Variants in C9 observed in about 807,000 individuals in gnomAD.
The protein encoded by C9 is complement component C9.
C9 carries 63 observed loss-of-function variants against 65.4 expected under a neutral mutation model. The observed-to-expected ratio is 0.96, with a 90% CI of 0.79 to 1.19. C9 has a LOEUF of 1.19. Among genes scored for constraint, C9 ranks in the 50% most tolerant of loss-of-function variants. The pLI, the probability that C9 is intolerant of heterozygous loss-of-function variation, is 0.00. For synonymous variants in C9, 229 were observed against 227.9 expected, an observed-to-expected ratio of 1.00 and a Z score of -0.04; for missense variants, 744 against 670.1, an observed-to-expected ratio of 1.11 and a Z score of -1.22.
chr5:39,361,781 A>G (rs1038700957), intron 1 of C9, among the ~76,000 whole-genome samples: 1 of 152,210 alleles, frequency 6.6e-6, no homozygotes, highest in African/African-American at 2.4e-5. Context: ...TCTCATGGGC[A>G]CATTAATCTT....
At chr5:39,298,220 AT>A (rs980087581) in intron 9 of C9, among the ~76,000 whole-genome samples, 4 of 151,840 alleles carry the variant, frequency 2.6e-5, no homozygotes, top group East Asian at 1.9e-4. Context: ...CAAGAAAAAA[AT>A]ATCTAAAATC....
intron 5 of C9, among the ~76,000 whole-genome samples, chr5:39,326,611 T>C (rs1040411732): frequency 2.0e-5 from 3 of 152,250 alleles, no homozygotes; most frequent in Admixed American, 2.0e-4. Flanking sequence ...GCCTTCATGA[T>C]TTAACCCCTG....
chr5:39,356,791 C>G (rs920671731), intron 1 of C9, among the ~76,000 whole-genome samples: 2 of 152,170 alleles, frequency 1.3e-5, no homozygotes, highest in African/African-American at 4.8e-5. Context: ...AGCCCAACAC[C>G]CCCTCCTCAG....
At position 39,333,953 on chromosome 5, in the gene C9, G is replaced by A. The variant is rs372990011; in HGVS notation, c.477-2139C>T. On this transcript the variant is annotated intron_variant, in intron 4 of 10. Transcript: ENST00000263408. ...GGCTGGAGTGCAGTGGCGTGATCTC[G>A]GCTCGCTGCAGCCTCCACCTCCCAG... 6.1e-4 allele frequency among the ~76,000 whole-genome samples: 93 copies of A among 152,244 alleles called. No homozygotes were observed. In the East Asian group the frequency reaches 0.016, roughly 26 times the overall value.
intron 1 of C9, among the ~76,000 whole-genome samples, chr5:39,360,394 C>T (rs1357903732): frequency 2.0e-5 from 3 of 152,066 alleles, no homozygotes; most frequent in Non-Finnish European, 1.5e-5. Flanking sequence ...TCTCCAGAGC[C>T]CAGGTAACTA....
At chr5:39,359,449 C>T (rs1006604570) in intron 1 of C9, among the ~76,000 whole-genome samples, 3 of 151,668 alleles carry the variant, frequency 2.0e-5, no homozygotes, top group African/African-American at 7.3e-5. Context: ...GTATAAGTGG[C>T]GTTTCACCAT....
chr5:39,355,317 G>A (rs747343399), intron 1 of C9, among the ~76,000 whole-genome samples: 3 of 152,092 alleles, frequency 2.0e-5, no homozygotes, highest in Non-Finnish European at 2.9e-5. Context: ...TTTCCCACAC[G>A]TAAGTGACTA....
At chr5:39,300,165 C>A (rs961733839) in intron 9 of C9, among the ~76,000 whole-genome samples, 1 of 152,110 alleles carries the variant, frequency 6.6e-6, no homozygotes, top group African/African-American at 2.4e-5. Context: ...GCAATCCCAG[C>A]ACTTTGGGAG....
At chr5:39,313,769 C>G (rs1191808154) in intron 6 of C9, among the ~76,000 whole-genome samples, 1 of 152,148 alleles carries the variant, frequency 6.6e-6, no homozygotes, top group Non-Finnish European at 1.5e-5. Context: ...GTCAACAAGT[C>G]AATGTATAGC....
chr5:39,308,728 T>A (rs994312898), intron 7 of C9, among the ~76,000 whole-genome samples: 1 of 152,222 alleles, frequency 6.6e-6, no homozygotes, highest in Non-Finnish European at 1.5e-5. Flanking sequence ...TTTTGTGTGC[T>A]TTAACTAATT....
At chr5:39,311,408 CA>C in intron 6 of C9, 31 bp from the exon 7 acceptor site, 1 of 1,604,364 alleles carries the variant, frequency 6.2e-7, no homozygotes, top group Non-Finnish European at 8.5e-7. Flanking sequence ...AGAAGAGAAA[CA>C]TGTGTTTTAT....
At chr5:39,286,998 G>C (rs1753001593) in intron 10 of C9, among the ~76,000 whole-genome samples, 1 of 151,918 alleles carries the variant, frequency 6.6e-6, no homozygotes, top group South Asian at 2.1e-4. Context: ...TCAGGAAACT[G>C]TATTTGTTCA....
chr5:39,347,788 A>G (rs1754236902), intron 1 of C9, among the ~76,000 whole-genome samples: 1 of 152,210 alleles, frequency 6.6e-6, no homozygotes, highest in Non-Finnish European at 1.5e-5. Flanking sequence ...GGCTACAGTA[A>G]CCAAAACAGC....
chr5:39,308,008 C>G (rs1466966247), intron 8 of C9, among the ~76,000 whole-genome samples: 1 of 152,120 alleles, frequency 6.6e-6, no homozygotes, highest in Admixed American at 6.6e-5. Flanking sequence ...GTGAATCACA[C>G]CCCCTTGAGT....
chr5:39,312,907 A>G (rs1753510701), intron 6 of C9, among the ~76,000 whole-genome samples: 1 of 152,168 alleles, frequency 6.6e-6, no homozygotes, highest in Admixed American at 6.6e-5. Context: ...CTTTAATAAA[A>G]ATCTTAGCCT....
chr5:39,326,639 G>C (rs1753751564), intron 5 of C9, among the ~76,000 whole-genome samples: 1 of 152,182 alleles, frequency 6.6e-6, no homozygotes, highest in Non-Finnish European at 1.5e-5. Context: ...CTTCAACCCT[G>C]AATGCATGAG....
intron 9 of C9, among the ~76,000 whole-genome samples, chr5:39,299,969 T>C (rs655447): frequency 6.6e-6 from 1 of 152,140 alleles, no homozygotes; most frequent in African/African-American, 2.4e-5. Context: ...ACTAAAATAT[T>C]AACATTATGA....
intron 7 of C9, among the ~76,000 whole-genome samples, chr5:39,310,342 T>C (rs1183212073): frequency 1.3e-5 from 2 of 152,164 alleles, no homozygotes; most frequent in Non-Finnish European, 2.9e-5. Flanking sequence ...GGAAGCATCC[T>C]GGCATCCATC....
At chr5:39,297,962 AT>A (rs1193077125) in intron 9 of C9, among the ~76,000 whole-genome samples, 1 of 151,750 alleles carries the variant, frequency 6.6e-6, no homozygotes, top group Non-Finnish European at 1.5e-5. Context: ...AATGAAAATA[AT>A]ACAAAGTATG....
Sources: allele counts gnomAD v4.1 joint callset (sites outside exome capture counted in the v4.1 genomes callset), GRCh38; gene constraint gnomAD v4.1.1; transcripts MANE v1.5; gene names NCBI Gene and HGNC (gene_info 2026-07-23, HGNC 2026-07-21).